The following FBXW9 variants were observed in gnomAD, a reference collection of about 807,000 sequenced individuals.
FBXW9 encodes the protein F-box/WD repeat-containing protein 9.
In FBXW9, 38 loss-of-function variants were observed where a neutral mutation model predicts 55.8. The observed-to-expected ratio is 0.68, with a 90% CI of 0.53 to 0.89. FBXW9 has a LOEUF of 0.89. FBXW9 is among the 40% of genes least tolerant of loss of function. The probability of loss-of-function intolerance (pLI) is 0.00; values close to 1 mark genes in which losing one functional copy is unlikely to be tolerated. For missense variants in FBXW9, 590 were observed against 619.4 expected (o/e 0.95, Z 0.50); for synonymous variants, 289 against 278.2 (o/e 1.04, Z -0.38).
intron 1 of FBXW9, 62 bp from the exon 2 acceptor site, chr19:12,695,000 C>T: frequency 6.4e-7 from 1 of 1,560,268 alleles, no homozygotes; most frequent in Non-Finnish European, 8.7e-7. Flanking sequence ...TGCCAGCTGG[C>T]CAAGCCCAAC....
chr19:12,695,517 CCTCT>C (rs1483617600), intron 1 of FBXW9, among the ~76,000 whole-genome samples: 1 of 152,104 alleles, frequency 6.6e-6, no homozygotes, highest in Admixed American at 6.6e-5. Flanking sequence ...GATCCTGATT[CCTCT>C]CTAAGCAGAA....
At chr19:12,690,942 C>T (rs2024999056) in intron 5 of FBXW9, among the ~76,000 whole-genome samples, 1 of 152,200 alleles carries the variant, frequency 6.6e-6, no homozygotes, top group Admixed American at 6.5e-5. Flanking sequence ...GGAGGTCACA[C>T]AGCTAGGCAG....
rs553598870 is a variant in FBXW9, at chr19:12,696,389, G to A, written c.193C>T (p.Pro65Ser). 24 of 1,611,540 alleles carry A rather than the reference G, an allele frequency of 1.5e-5. No homozygotes were observed. The African/African-American group carries it at 2.9e-4, about 20-fold the overall frequency. Residue 65 changes from proline to serine, a missense_variant, in exon 1 of 10, where the codon CCT (proline) becomes TCT (serine). Coordinates refer to ENST00000393261, the MANE Select transcript of FBXW9 (RefSeq NM_032301.3). ...TPAASPSASE[P>S]RAASRVSAVS... ...GCCGAAACCCTGGACGCGGCCCGAG[G>A]CTCCGAAGCGCTCGGGGACGCGGCG...
intron 3 of FBXW9, among the ~76,000 whole-genome samples, chr19:12,694,359 C>A (rs1437674593): frequency 1.3e-5 from 2 of 150,312 alleles, no homozygotes; most frequent in Non-Finnish European, 3.0e-5. Flanking sequence ...AAAAAAAAGC[C>A]TGAGCTTAAT....
chr19:12,689,566 G>A lies in FBXW9; in HGVS notation c.1211C>T (p.Thr404Ile). The change falls in exon 8 of 10, where the codon ACC (threonine) becomes ATC (isoleucine). Residue 404 changes from threonine to isoleucine, a missense_variant. Thr to Ile is a moderately conservative substitution (Grantham distance 89). Transcript: ENST00000393261. The surrounding 1 kb of genome is among the most constrained non-coding windows in gnomAD (Gnocchi z 5.9). ...CCGGATGGTCTTGTCAGTGGATGTGGTGTACAAGGCTCCCACGGAGTACTG... is the reference window on the plus strand; with the variant it reads ...CCGGATGGTCTTGTCAGTGGATGTGATGTACAAGGCTCCCACGGAGTACTG... The part of the protein sequence containing the change: ...GIQYSVGALY[T>I]TSTDKTIRVH... 2 of 1,614,110 alleles carry A rather than the reference G, an allele frequency of 1.2e-6. No homozygotes were observed. The highest frequency in any genetic ancestry group is 1.7e-6 in the Non-Finnish European group (2 of 1,180,002).
intron 3 of FBXW9, among the ~76,000 whole-genome samples, chr19:12,692,474 C>T (rs2145405829): frequency 6.6e-6 from 1 of 151,772 alleles, no homozygotes; most frequent in African/African-American, 2.4e-5. Flanking sequence ...GATCCGCCTG[C>T]CTTAGCCTCC....
At chr19:12,695,466 G>T (rs933431055) in intron 1 of FBXW9, among the ~76,000 whole-genome samples, 1 of 152,152 alleles carries the variant, frequency 6.6e-6, no homozygotes, top group East Asian at 1.9e-4. Flanking sequence ...TCTGACCTGG[G>T]GGTTGGATGG....
rs373375055 is a variant in FBXW9, at chr19:12,696,421, G to T, written c.161C>A (p.Ser54Tyr). ...AGCGCTCGGGGACGCGGCGGGTGTG[G>T]ATAGCTGCGAGGGGCGCGAGAACGC... ...GLAFSRPSQL[S>Y]TPAASPSASE... is the part of the protein sequence containing the mutation. Residue 54 changes from serine to tyrosine, a missense_variant, in exon 1 of 10, where the codon TCC becomes TAC. By Grantham distance (144) the Ser-to-Tyr change is moderately radical (BLOSUM62 -2). Transcript: ENST00000393261. 9.9e-6 allele frequency: 16 copies of T among 1,611,672 alleles called. No homozygotes were observed. Among genetic ancestry groups the T allele is most frequent in the African/African-American group, 2.7e-5 (2 of 74,946 alleles).
chr19:12,693,847 T>C (rs984109147), intron 3 of FBXW9, among the ~76,000 whole-genome samples: 4 of 148,754 alleles, frequency 2.7e-5, no homozygotes, highest in African/African-American at 9.9e-5. Flanking sequence ...GCCGAGATCA[T>C]GCCATTGCAT....
chr19:12,691,171 G>T lies in FBXW9; in HGVS notation c.878C>A (p.Pro293His). The change falls in exon 5 of 10, where the codon CCC (proline) becomes CAC (histidine). Residue 293 changes from proline (P) to histidine (H), a missense_variant. Pro to His is a moderately conservative substitution (Grantham distance 77). Transcript: ENST00000393261. ...CCCCAGGACCCTTGGCCCACCTCTG[G>T]GGTCGTAGATGGTCACCTTCTTGTC... ...TYDKKVTIYD[P>H]RAGPALLKHQ... 1 of 1,614,044 alleles carries T rather than the reference G, an allele frequency of 6.2e-7. No individual in the cohort carries two copies. Among genetic ancestry groups the T allele is most frequent in the African/African-American group, 1.3e-5 (1 of 75,016 alleles).
intron 3 of FBXW9, among the ~76,000 whole-genome samples, chr19:12,693,122 A>G (rs1213724082): frequency 6.6e-6 from 1 of 152,052 alleles, no homozygotes; most frequent in Non-Finnish European, 1.5e-5. Flanking sequence ...TTTCTCACTC[A>G]AGGTCACACA....
chr19:12,691,134 T>G (rs1421236792), intron 5 of FBXW9, 32 bp downstream of exon 5: 1 of 1,585,058 alleles, frequency 6.3e-7, no homozygotes. Context: ...ACATGACATC[T>G]CCCAACCTGG....
chr19:12,691,517 G>A (rs182526473), intron 3 of FBXW9, 63 bp from the exon 4 acceptor site: 155 of 1,399,362 alleles, frequency 1.1e-4, no homozygotes, highest in Middle Eastern at 2.1e-4. Flanking sequence ...GACTGGGATC[G>A]TTCTGTTTTT....
In FBXW9 at chr19:12,694,710, A is replaced by G; in HGVS notation, c.562T>C (p.Cys188Arg). The part of the protein sequence containing the change: ...SVLLLQGGSL[C>R]LSGSRDRNVN... ...TTGCGATCTCGGGAGCCCGACAGAC[A>G]GAGTGACCCACCCTGGAAAGGGAGC... The change falls in exon 3 of 10, where the codon TGT becomes CGT. Residue 188 changes from cysteine (C) to arginine (R), a missense_variant. Physicochemically the swap from Cys to Arg is radical, Grantham distance 180. Transcript: ENST00000393261. The G allele has an allele frequency of 1.2e-6, 2 of 1,614,204 alleles. No homozygotes were observed. The highest frequency in any genetic ancestry group is 1.7e-6 in the Non-Finnish European group (2 of 1,180,014).
At chr19:12,692,299 C>T (rs1431455173) in intron 3 of FBXW9, among the ~76,000 whole-genome samples, 4 of 148,990 alleles carry the variant, frequency 2.7e-5, no homozygotes, top group Non-Finnish European at 5.9e-5. Flanking sequence ...ACGATCTCGG[C>T]TCACCACAAC....
At chr19:12,690,734 C>T (rs1215773037) in intron 5 of FBXW9, among the ~76,000 whole-genome samples, 1 of 152,150 alleles carries the variant, frequency 6.6e-6, no homozygotes, top group Non-Finnish European at 1.5e-5. Context: ...GCCTGGCCAA[C>T]ATGGTGAAAC....
At chr19:12,692,726 GT>G (rs1379233421) in intron 3 of FBXW9, among the ~76,000 whole-genome samples, 1 of 151,826 alleles carries the variant, frequency 6.6e-6, no homozygotes, top group Non-Finnish European at 1.5e-5. Context: ...GGTCTCCCAT[GT>G]TGCCCAGGCT....
rs755681633 is a variant in FBXW9, at chr19:12,690,099, G to A, written c.895C>T (p.Leu299=). 7 of 1,613,722 alleles carry A rather than the reference G, an allele frequency of 4.3e-6. No individual in the cohort carries two copies. The highest frequency in any genetic ancestry group is 5.1e-6 in the Non-Finnish European group (6 of 1,180,016). ...TIYDPRAGPA[L]LKHQQLHSRP... is the part of the protein sequence containing the mutation. ...GAGTGTAGTTGCTGGTGCTTCAACA[G>A]GGCTGGGCCGGCTTCATGGGTGATG... Residue 299 remains leucine, a synonymous_variant, in exon 6 of 10, where the codon CTG becomes TTG. Transcript: ENST00000393261.
chr19:12,693,501 GAAAA>G lies in FBXW9; in HGVS notation c.678+1089_678+1092del, dbSNP rs1214446276. ...TGGCGAAACCTCGTCTCTACTAAAG[GAAAA>G]AAAAAAAAAAAAAAAAAAAAAAAAA... On this transcript the variant is annotated intron_variant, in intron 3 of 9. Transcript: ENST00000393261. Among the ~76,000 whole-genome samples, 14 of 2,134 alleles carry G rather than the reference GAAAA, an allele frequency of 6.6e-3. 1 individual carries two copies. Among genetic ancestry groups the G allele is most frequent in the Non-Finnish European group, 9.2e-3 (7 of 758 alleles). The allele number at this position is 2,134 out of a possible 152,430, so 1.4% of individuals were successfully genotyped here.
Sources: allele counts gnomAD v4.1 joint callset (sites outside exome capture counted in the v4.1 genomes callset), GRCh38; gene constraint gnomAD v4.1.1; non-coding constraint Gnocchi (gnomAD v3.1); transcripts MANE v1.5; gene names NCBI Gene and HGNC (gene_info 2026-07-23, HGNC 2026-07-21).